CDC40: variants seen among roughly 807,000 people sequenced by gnomAD.
The protein encoded by CDC40 is pre-mRNA-processing factor 17.
In CDC40, 27 loss-of-function variants were observed where a neutral mutation model predicts 80.6. That is an observed-to-expected ratio of 0.33 (90% CI 0.25 to 0.46). The LOEUF is 0.46. Among genes scored for constraint, CDC40 ranks in the 20% least tolerant of loss-of-function variants. The probability of loss-of-function intolerance (pLI) is 1.00; values close to 1 mark genes in which losing one functional copy is unlikely to be tolerated. For missense variants in CDC40, 486 were observed against 694.1 expected (o/e 0.70, Z 3.37); for synonymous variants, 221 against 232.6 (o/e 0.95, Z 0.45).
chr6:110,212,325 C>T (rs1467901901), intron 7 of CDC40, 53 bp downstream of exon 7: 30 of 1,578,942 alleles, frequency 1.9e-5, no homozygotes, highest in East Asian at 4.5e-5. Context: ...ATGAAGCCAA[C>T]GTAAAGTTTT....
At chr6:110,217,376 A>G (rs1241104659) in intron 9 of CDC40, among the ~76,000 whole-genome samples, 4 of 152,218 alleles carry the variant, frequency 2.6e-5, no homozygotes, top group Non-Finnish European at 4.4e-5. Flanking sequence ...TTGGCTAGCT[A>G]GTCATCACTT....
chr6:110,215,277 C>T lies in CDC40; in HGVS notation c.943-9C>T, dbSNP rs1584078160. On this transcript the variant is annotated splice_polypyrimidine_tract_variant and intron_variant, in intron 8 of 14. Coordinates refer to ENST00000307731, the MANE Select transcript of CDC40 (RefSeq NM_015891.3). ...AATATTTCCATGTGTTGTTTTTTTT[C>T]TCCCCCAGCTATGGGAGGTTTATGG... is the stretch of plus-strand genomic sequence containing the variant. 2.5e-6 allele frequency: 4 copies of T among 1,607,376 alleles called. No homozygotes were observed. Among genetic ancestry groups the T allele is most frequent in the African/African-American group, 2.7e-5 (2 of 73,808 alleles).
In CDC40 at chr6:110,207,560, G is replaced by A. The variant is rs905336143; in HGVS notation, c.461G>A (p.Gly154Asp). ...DNHQVSAKYIGSVEEAEKNQG... is the reference protein window; with the variant it reads ...DNHQVSAKYIDSVEEAEKNQG... ...CATCAAGTGTCTGCTAAATATATTG[G>A]TTCTGTAGAAGAAGCTGAAAAAAAT... Residue 154 changes from glycine (G) to aspartate (D), a missense_variant, in exon 4 of 15, where the codon GGT (glycine) becomes GAT (aspartate). This residue lies in a region of CDC40 where 381 missense variants were observed against 492.1 expected (regional missense o/e 0.77). Coordinates refer to ENST00000307731, the MANE Select transcript of CDC40 (RefSeq NM_015891.3). 6.3e-7 allele frequency: 1 copy of A among 1,597,618 alleles called. No individual in the cohort carries two copies. The highest frequency in any genetic ancestry group is 8.6e-7 in the Non-Finnish European group (1 of 1,165,754).
intron 12 of CDC40, among the ~76,000 whole-genome samples, chr6:110,225,036 T>G (rs1451557747): frequency 6.6e-6 from 1 of 152,236 alleles, no homozygotes; most frequent in African/African-American, 2.4e-5. Context: ...GTATAAAGGG[T>G]TGGAGATCTG....
chr6:110,183,792 T>A (rs1477546597), intron 1 of CDC40, among the ~76,000 whole-genome samples: 2 of 152,250 alleles, frequency 1.3e-5, no homozygotes, highest in African/African-American at 4.8e-5. Flanking sequence ...TTTTCCGAGC[T>A]GTTTCCTGCA....
At chr6:110,213,759 C>T (rs1055763482) in intron 8 of CDC40, among the ~76,000 whole-genome samples, 1 of 152,138 alleles carries the variant, frequency 6.6e-6, no homozygotes, top group African/African-American at 2.4e-5. Context: ...CTTCTAAATA[C>T]TAGTAGACAC....
At chr6:110,186,354 T>C (rs978618432) in intron 1 of CDC40, among the ~76,000 whole-genome samples, 1 of 151,970 alleles carries the variant, frequency 6.6e-6, no homozygotes, top group African/African-American at 2.4e-5. Context: ...CTGGGTGTGT[T>C]GGTGTGTGCT....
intron 10 of CDC40, 58 bp downstream of exon 10, chr6:110,217,861 G>A: frequency 1.1e-6 from 1 of 884,014 alleles, no homozygotes; most frequent in Non-Finnish European, 1.9e-6. Context: ...TATTTGAAAT[G>A]GTGTGAGTAG....
At chr6:110,197,492 G>A (rs1293080474) in intron 2 of CDC40, among the ~76,000 whole-genome samples, 1 of 152,070 alleles carries the variant, frequency 6.6e-6, no homozygotes, top group African/African-American at 2.4e-5. Context: ...GTTATTAACT[G>A]TAGTCACCAT....
At chr6:110,184,955 T>C (rs541398904) in intron 1 of CDC40, among the ~76,000 whole-genome samples, 1 of 152,262 alleles carries the variant, frequency 6.6e-6, no homozygotes, top group Admixed American at 6.5e-5. Flanking sequence ...TAAAAACATA[T>C]CAGTAATGAT....
chr6:110,230,594 A>G lies in CDC40; in HGVS notation c.*463A>G, dbSNP rs987598308. 3.9e-5 allele frequency: 6 copies of G among 152,354 alleles called. No individual in the cohort carries two copies. Among genetic ancestry groups the G allele is most frequent in the African/African-American group, 9.8e-5 (4 of 40,696 alleles). 9.4% of individuals were successfully genotyped at this position (152,354 alleles called of 1,614,324 possible). A position where few individuals can be genotyped will look rare whatever the true frequency, so the allele number is the denominator to read the frequency against. On this transcript the variant is annotated 3_prime_UTR_variant, in exon 15 of 15. Transcript: ENST00000307731. ...AAAATCACCCACAGTTACTCTCCCT[A>G]TTATTTTCACTGGGTCAAGTTTTAA...
intron 6 of CDC40, 46 bp downstream of exon 6, chr6:110,210,849 A>G: frequency 9.9e-7 from 1 of 1,013,942 alleles, no homozygotes; most frequent in Non-Finnish European, 1.4e-6. Flanking sequence ...AAACCTTCAT[A>G]TTTACTCTGT....
chr6:110,230,235 G>T lies in CDC40; in HGVS notation c.*104G>T, dbSNP rs1777918036. On this transcript the variant is annotated 3_prime_UTR_variant, in exon 15 of 15. Transcript: ENST00000307731. ...GATAACTTGATTTACAGATAATGTT[G>T]ATGACATTGACCCTTTGTTTAAAAA... The T allele has an allele frequency of 1.4e-6, 1 of 691,404 alleles. No individual in the cohort carries two copies. Among genetic ancestry groups the T allele is most frequent in the Admixed American group, 3.3e-5 (1 of 30,494 alleles). The allele number at this position is 691,404 out of a possible 1,614,324, so 42.8% of individuals were successfully genotyped here. A position where few individuals can be genotyped will look rare whatever the true frequency, so the allele number is the denominator to read the frequency against.
chr6:110,220,556 T>C (rs1378748683), intron 12 of CDC40, among the ~76,000 whole-genome samples: 2 of 150,542 alleles, frequency 1.3e-5, no homozygotes, highest in Non-Finnish European at 3.0e-5. Context: ...GCCATTGTCC[T>C]GCCTCAGCCT....
chr6:110,210,742 G>C lies in CDC40; in HGVS notation c.666G>C (p.Lys222Asn). 6.3e-7 allele frequency: 1 copy of C among 1,582,234 alleles called. No individual in the cohort carries two copies. The highest frequency in any genetic ancestry group is 2.3e-5 in the East Asian group (1 of 43,430). ...AAGAATTGGATGAAATCACAGCAAA[G>C]AGGCAGAAAAAAGGAAAACAGGAAG... ...EQKELDEITA[K>N]RQKKGKQEEE... The change falls in exon 6 of 15, where the codon AAG (lysine) becomes AAC (asparagine). Residue 222 changes from lysine to asparagine, a missense_variant. Physicochemically the swap from Lys to Asn is moderately conservative, Grantham distance 94 (BLOSUM62 0). Transcript: ENST00000307731.
intron 8 of CDC40, among the ~76,000 whole-genome samples, 179 bp downstream of exon 8, chr6:110,213,339 G>A (rs1214854600): frequency 2.0e-5 from 3 of 151,630 alleles, no homozygotes; most frequent in African/African-American, 7.3e-5. Context: ...CTATGGCTCT[G>A]TGGTCCAATT....
At chr6:110,202,313 C>T (rs1224777427) in intron 3 of CDC40, among the ~76,000 whole-genome samples, 1 of 152,118 alleles carries the variant, frequency 6.6e-6, no homozygotes, top group Non-Finnish European at 1.5e-5. Flanking sequence ...CTATATACCA[C>T]TTAAATCACC....
rs965203477 is a variant in CDC40, at chr6:110,215,137, T to G, written c.943-149T>G. The G allele has an allele frequency of 3.1e-4, 196 of 625,134 alleles. 1 individual carries two copies. Among genetic ancestry groups the G allele is most frequent in the Non-Finnish European group, 6.9e-5 (24 of 348,260 alleles). The allele number at this position is 625,134 out of a possible 1,614,324, so 38.7% of individuals were successfully genotyped here. The stretch of plus-strand genomic sequence containing the variant: ...ACTGGCAGCACCAAGCTATATTTAA[T>G]GATATTCAGTGTTTAATATTTAATG... On this transcript the variant is annotated intron_variant, in intron 8 of 14. Coordinates refer to ENST00000307731, the MANE Select transcript of CDC40 (RefSeq NM_015891.3).
At position 110,222,785 on chromosome 6, in the gene CDC40, T is replaced by C. The variant is rs77359976; in HGVS notation, c.1340+2916T>C. ...AAAGAACAGTGTGAGTCATGCTTAC[T>C]GTCTGTTCCCAGCACAGTGCCTGGC... On this transcript the variant is annotated intron_variant, in intron 12 of 14. Coordinates refer to ENST00000307731, the MANE Select transcript of CDC40 (RefSeq NM_015891.3). Among the ~76,000 whole-genome samples the C allele has an allele frequency of 9.5e-3, 1,444 of 152,312 alleles. 24 individuals are homozygous for C. The highest frequency in any genetic ancestry group is 0.034 in the African/African-American group (1,396 of 41,566).
Sources: allele counts gnomAD v4.1 joint callset (sites outside exome capture counted in the v4.1 genomes callset), GRCh38; gene constraint gnomAD v4.1.1; regional missense constraint gnomAD v4.1.1; transcripts MANE v1.5; gene names NCBI Gene and HGNC (gene_info 2026-07-23, HGNC 2026-07-21).